RSPH14: variants seen among roughly 807,000 people sequenced by gnomAD.
RSPH14 encodes radial spoke head 14 homolog, also known as rhabdoid tumor deletion region gene 1.
RSPH14 carries 20 observed loss-of-function variants against 26.7 expected under a neutral mutation model. The observed-to-expected ratio is 0.75, with a 90% confidence interval of 0.53 to 1.09. The LOEUF is 1.09. Among genes scored for constraint, RSPH14 ranks in the 50% least tolerant of loss-of-function variants. RSPH14 has a pLI of 0.00. For missense variants in RSPH14, 449 were observed against 457.2 expected (o/e 0.98, Z 0.16); for synonymous variants, 177 against 189.3 (o/e 0.93, Z 0.53).
rs539085087 is a variant in RSPH14 at position 23,082,278 on chromosome 22, G to A, written c.422-18145C>T. Among the ~76,000 whole-genome samples, 8 of 151,220 alleles carry A rather than the reference G, an allele frequency of 5.3e-5. No individual in the cohort carries two copies. The East Asian group carries it at 6.0e-4, about 11-fold the overall frequency. ...GTTGACCAGGCTGGAGTGTAATGGC[G>A]CGATCTCGGCTCACTGCAACCTCCG... On this transcript the variant is annotated intron_variant, in intron 4 of 6. Transcript: ENST00000216036.
chr22:23,091,242 A>G (rs924911331), intron 4 of RSPH14, among the ~76,000 whole-genome samples: 2 of 152,222 alleles, frequency 1.3e-5, no homozygotes, highest in African/African-American at 4.8e-5. Flanking sequence ...ACACTGGCAT[A>G]CAAGCAACCA....
chr22:23,074,804 C>G (rs1187738870), intron 4 of RSPH14, among the ~76,000 whole-genome samples: 1 of 152,126 alleles, frequency 6.6e-6, no homozygotes, highest in African/African-American at 2.4e-5. Context: ...CTGTGTCAAG[C>G]AGGCAGGGCA....
At chr22:23,126,234 A>C (rs981888529) in intron 4 of RSPH14, among the ~76,000 whole-genome samples, 7 of 152,228 alleles carry the variant, frequency 4.6e-5, no homozygotes, top group Admixed American at 3.3e-4. Flanking sequence ...CAAAGATCAG[A>C]GGAGGCCTTC....
the RSPH14 span, chr22:23,161,101 T>C: frequency 7.1e-7 from 1 of 1,399,840 alleles, no homozygotes; most frequent in East Asian, 2.4e-5. Context: ...CCTGAACTTG[T>C]GGCCCTCTCC....
At chr22:23,121,294 G>A (rs2146397527) in intron 4 of RSPH14, among the ~76,000 whole-genome samples, 1 of 152,340 alleles carries the variant, frequency 6.6e-6, no homozygotes, top group Non-Finnish European at 1.5e-5. Context: ...TGGAGTGCAG[G>A]GTTCCAGGGT....
At chr22:23,140,755 C>T (rs144560460) in intron 1 of RSPH14, among the ~76,000 whole-genome samples, 107 of 152,310 alleles carry the variant, frequency 7.0e-4, no homozygotes, top group African/African-American at 2.5e-3. Context: ...CATTAAAGGA[C>T]AAAACAAACC....
intron 2 of RSPH14, among the ~76,000 whole-genome samples, chr22:23,139,816 C>T (rs545631715): frequency 6.6e-6 from 1 of 152,066 alleles, no homozygotes; most frequent in Non-Finnish European, 1.5e-5. Flanking sequence ...AATCCCAAAA[C>T]TTTGGAGGCT....
intron 4 of RSPH14, chr22:23,131,666 T>C (rs760911256): frequency 5.4e-6 from 7 of 1,302,204 alleles, no homozygotes; most frequent in Non-Finnish European, 7.1e-6. Context: ...CCCTCGCTTA[T>C]TCCTCAGGTT....
intron 6 of RSPH14, 130 bp downstream of exon 6, chr22:23,061,679 G>T (rs1389220447): frequency 1.7e-6 from 2 of 1,152,366 alleles, no homozygotes; most frequent in Non-Finnish European, 2.4e-6. Context: ...GATAGGCCAA[G>T]GGGAGGTTTT....
the RSPH14 span, among the ~76,000 whole-genome samples, chr22:23,171,339 C>A: frequency 6.6e-6 from 1 of 152,132 alleles, no homozygotes; most frequent in African/African-American, 2.4e-5. Context: ...CCCAGGAAGT[C>A]ATCATACTGA....
At chr22:23,127,902 C>A (rs956893909) in intron 4 of RSPH14, among the ~76,000 whole-genome samples, 12 of 152,190 alleles carry the variant, frequency 7.9e-5, no homozygotes, top group Non-Finnish European at 1.8e-4. Flanking sequence ...AGGGCCCAGG[C>A]GCATCCTTGC....
At position 23,069,623 on chromosome 22, in the gene RSPH14, C is replaced by T. The variant is rs533632894; in HGVS notation, c.422-5490G>A. Among the ~76,000 whole-genome samples the T allele has an allele frequency of 3.6e-4, 55 of 152,292 alleles. No homozygotes were observed. The South Asian group carries it at 8.5e-3, about 24-fold the overall frequency. On this transcript the variant is annotated intron_variant, in intron 4 of 6. Transcript: ENST00000216036. ...CTGGGCTGGGGGCCAGCTCCTCGGT[C>T]CTTCTCCCTTCCTTCCCTCCCAAGG...
At chr22:23,065,690 G>A (rs1358733391) in intron 4 of RSPH14, among the ~76,000 whole-genome samples, 1 of 152,064 alleles carries the variant, frequency 6.6e-6, no homozygotes, top group Non-Finnish European at 1.5e-5. Context: ...GGATGAAAAC[G>A]TGTTCCACGT....
At chr22:23,145,260 C>CCAT, upstream of RSPH14, 1 of 1,005,716 alleles carries the variant, frequency 9.9e-7, no homozygotes, top group Non-Finnish European at 1.5e-6. Flanking sequence ...CACCGCCCAC[C>CCAT]CATCCAGCAC....
At chr22:23,160,962 A>G in the RSPH14 span, 3 of 1,613,218 alleles carry the variant, frequency 1.9e-6, no homozygotes, top group East Asian at 4.5e-5. Flanking sequence ...GAGGCAGAGC[A>G]GTGCCCGGCT....
At chr22:23,122,623 G>A (rs4820537) in intron 4 of RSPH14, 67,657 of 168,026 alleles carry the variant, frequency 0.4, 14,753 homozygotes, top group Non-Finnish European at 0.48. Context: ...ACCCAGATAG[G>A]GCACAAGGCT....
At chr22:23,066,380 A>G (rs1284792082) in intron 4 of RSPH14, among the ~76,000 whole-genome samples, 1 of 152,154 alleles carries the variant, frequency 6.6e-6, no homozygotes, top group East Asian at 1.9e-4. Flanking sequence ...TGGTGAGGAA[A>G]CTGAGGCCCA....
At chr22:23,144,140 G>A (rs570337437), upstream of RSPH14, among the ~76,000 whole-genome samples, 1 of 148,024 alleles carries the variant, frequency 6.8e-6, no homozygotes, top group East Asian at 2.0e-4. Context: ...GAGGAGTTCA[G>A]GGTGATCTCT....
At chr22:23,112,582 A>G (rs543350947) in intron 4 of RSPH14, among the ~76,000 whole-genome samples, 1 of 152,248 alleles carries the variant, frequency 6.6e-6, no homozygotes, top group Non-Finnish European at 1.5e-5. Context: ...TGGTGGAGTC[A>G]GGGTGGGACT....
Sources: gnomAD v4.1 joint callset for allele counts (sites outside exome capture counted in the v4.1 genomes callset) on GRCh38, gnomAD v4.1.1 for gene constraint, MANE v1.5 for transcripts, NCBI Gene and HGNC (gene_info 2026-07-23, HGNC 2026-07-21) for gene names.